MEGF8: variants seen among roughly 807,000 people sequenced by gnomAD.
The protein encoded by MEGF8 is multiple epidermal growth factor-like domains protein 8.
Under a neutral mutation model 302.9 loss-of-function variants are expected in MEGF8, and 156 were observed. The observed-to-expected ratio is 0.52, with a 90% confidence interval of 0.45 to 0.59. The LOEUF is 0.59. Ranked by LOEUF, MEGF8 falls within the 20% of genes least tolerant of loss-of-function variation. The pLI is 0.00. For synonymous variants in MEGF8, 1,621 were observed against 1,660.5 expected, an observed-to-expected ratio of 0.98 and a Z score of 0.58; for missense variants, 3,345 against 3,964.5, an observed-to-expected ratio of 0.84 and a Z score of 4.20.
In MEGF8 at chr19:42,333,597, C is replaced by A; in HGVS notation, c.188-8C>A. The stretch of plus-strand genomic sequence containing the variant: ...TTAGAGCTTGGTCCCTCTGTGCTCA[C>A]CTCCCAGCCCCAAGCCCCCAGCACC... On this transcript the variant is annotated splice_polypyrimidine_tract_variant and splice_region_variant and intron_variant, in intron 1 of 41. Coordinates refer to ENST00000251268, the MANE Select transcript of MEGF8 (RefSeq NM_001271938.2). 1 of 1,612,564 alleles carries A rather than the reference C, an allele frequency of 6.2e-7. No individual in the cohort carries two copies. The highest frequency in any genetic ancestry group is 1.1e-5 in the South Asian group (1 of 90,948).
At chr19:42,328,244 A>T (rs934122322) in intron 1 of MEGF8, among the ~76,000 whole-genome samples, 2 of 152,228 alleles carry the variant, frequency 1.3e-5, no homozygotes, top group African/African-American at 2.4e-5. Flanking sequence ...GCAGAAGCCC[A>T]GGAAGGCCTC....
Position 42,337,174 on chromosome 19 carries a change from G to C in MEGF8, c.1481G>C (p.Gly494Ala). The C allele has an allele frequency of 6.2e-7, 1 of 1,613,980 alleles. No individual in the cohort carries two copies. The highest frequency in any genetic ancestry group is 8.5e-7 in the Non-Finnish European group (1 of 1,179,888). ...CTTGGCTGCCATCAATGGGTGTCAG[G>C]AGCTGAGCTTGCCCCGCCAGGAACC... ...YHLGCHQWVS[G>A]AELAPPGTPE... Residue 494 changes from glycine (G) to alanine (A), a missense_variant, in exon 8 of 42, where the codon GGA becomes GCA. Gly to Ala is a moderately conservative substitution (Grantham distance 60). Transcript: ENST00000251268.
Position 42,363,106 on chromosome 19 carries a change from C to G in MEGF8, c.6117C>G (p.His2039Gln). 1 of 1,613,434 alleles carries G rather than the reference C, an allele frequency of 6.2e-7. No individual in the cohort carries two copies. Among genetic ancestry groups the G allele is most frequent in the Non-Finnish European group, 8.5e-7 (1 of 1,179,640 alleles). Residue 2039 changes from histidine to glutamine, a missense_variant, in exon 35 of 42, where the codon CAC becomes CAG. His to Gln is a conservative substitution (Grantham distance 24). Transcript: ENST00000251268. ...QPTYDWTCFSHSLLNVSPMPV... is the reference protein window; with the variant it reads ...QPTYDWTCFSQSLLNVSPMPV... ...CCTATGACTGGACGTGCTTCAGCCA[C>G]TCTCTGCTGAATGTGTCCCCCATGC...
chr19:42,376,535 G>T lies in MEGF8; in HGVS notation c.8298G>T (p.Gly2766=), dbSNP rs1427831510. 2 of 1,567,062 alleles carry T rather than the reference G, an allele frequency of 1.3e-6. No individual in the cohort carries two copies. The highest frequency in any genetic ancestry group is 1.4e-5 in the African/African-American group (1 of 73,642). The part of the protein sequence containing the change: ...IPATTAGLRA[G]PITLEPTEDG... Reference sequence around the variant, plus strand: ...CCACCACTGCTGGGCTGCGAGCTGGGCCCATCACTCTCGAGCCCACAGAAG... The same window carrying T: ...CCACCACTGCTGGGCTGCGAGCTGGTCCCATCACTCTCGAGCCCACAGAAG... The change falls in exon 42 of 42, where the codon GGG becomes GGT. Residue 2766 remains glycine, a synonymous_variant. Transcript: ENST00000251268. The surrounding 1 kb of genome is among the most constrained non-coding windows in gnomAD (Gnocchi z 8.2).
At chr19:42,366,184 C>G (rs1308989072) in intron 35 of MEGF8, among the ~76,000 whole-genome samples, 2 of 152,202 alleles carry the variant, frequency 1.3e-5, no homozygotes, top group Admixed American at 1.3e-4. Flanking sequence ...CTGCCTGATT[C>G]TAACCATCCC....
Position 42,368,723 on chromosome 19 carries a change from G to T in MEGF8, c.6481+61G>T. 1 of 1,542,348 alleles carries T rather than the reference G, an allele frequency of 6.5e-7. No homozygotes were observed. Reference sequence around the variant, plus strand: ...GCCCTTGGTTGGGGTCTGATACAGTGAACATAGGGATACTGGGCCAGACCC... The same window carrying T: ...GCCCTTGGTTGGGGTCTGATACAGTTAACATAGGGATACTGGGCCAGACCC... On this transcript the variant is annotated intron_variant, in intron 36 of 41. Coordinates refer to ENST00000251268, the MANE Select transcript of MEGF8 (RefSeq NM_001271938.2). This position sits in a 1 kb window ranked among gnomAD's most constrained non-coding sequence, Gnocchi z 4.9.
chr19:42,334,105 G>A lies in MEGF8; in HGVS notation c.450G>A (p.Gly150=). Residue 150 remains glycine (G), a synonymous_variant, in exon 3 of 42, where the codon GGG becomes GGA. Transcript: ENST00000251268. ...GCCCGGGTGGCTGCCAGAGCCACGG[G>A]CAGTGCCAGCCACCGGGTGTGTGTG... ...SLCPGGCQSH[G]QCQPPGVCAC... 4 of 1,613,150 alleles carry A rather than the reference G, an allele frequency of 2.5e-6. No individual in the cohort carries two copies. The highest frequency in any genetic ancestry group is 3.4e-6 in the Non-Finnish European group (4 of 1,179,822).
intron 1 of MEGF8, among the ~76,000 whole-genome samples, chr19:42,331,719 C>T (rs2039057276): frequency 6.7e-6 from 1 of 150,066 alleles, no homozygotes; most frequent in Non-Finnish European, 1.5e-5. Flanking sequence ...CAAGCATGTG[C>T]CACCATATCC....
Position 42,358,987 on chromosome 19 carries a change from C to T in MEGF8, c.5343+33C>T, listed in dbSNP as rs1015759073. 7.5e-6 allele frequency: 12 copies of T among 1,594,202 alleles called. No homozygotes were observed. The African/African-American group carries it at 1.6e-4, about 21-fold the overall frequency. On this transcript the variant is annotated intron_variant, in intron 30 of 41. Transcript: ENST00000251268. This position sits in a 1 kb window ranked among gnomAD's most constrained non-coding sequence, Gnocchi z 4.4. ...TTGAAGAGGGTTAGGATTGGGTGGG[C>T]TGGTAGGGGGGGATAGGTAGGGAAG... is the stretch of plus-strand genomic sequence containing the variant.
In MEGF8 at chr19:42,352,510, A is replaced by G; in HGVS notation, c.3350+54A>G. On this transcript the variant is annotated intron_variant, in intron 19 of 41. Transcript: ENST00000251268. The surrounding 1 kb of genome is among the most constrained non-coding windows in gnomAD (Gnocchi z 4.4). ...TGTTGCCCCAGGCTGGGGCACATGG[A>G]GGTGGAGGGAGGAAGCCATCATGGC... 1 of 1,515,798 alleles carries G rather than the reference A, an allele frequency of 6.6e-7. No homozygotes were observed. Among genetic ancestry groups the G allele is most frequent in the Non-Finnish European group, 8.9e-7 (1 of 1,124,948 alleles). The allele number at this position is 1,515,798 out of a possible 1,614,324, so 93.9% of individuals were successfully genotyped here. A position where few individuals can be genotyped will look rare whatever the true frequency, so the allele number is the denominator to read the frequency against.
intron 35 of MEGF8, among the ~76,000 whole-genome samples, chr19:42,365,740 C>G (rs1049034651): frequency 6.8e-6 from 1 of 146,460 alleles, no homozygotes; most frequent in Non-Finnish European, 1.5e-5. Flanking sequence ...GCACTGCACT[C>G]CAGCCTGGGT....
rs73033434 is a variant in MEGF8, at chr19:42,357,323, G to A, written c.4831-81G>A. 76,593 of 1,501,734 alleles carry A rather than the reference G, an allele frequency of 0.051. 2,222 individuals carry two copies. The highest frequency in any genetic ancestry group is 0.06 in the Non-Finnish European group (66,075 of 1,101,606). The allele number at this position is 1,501,734 out of a possible 1,614,324, so 93.0% of individuals were successfully genotyped here. A position where few individuals can be genotyped will look rare whatever the true frequency, so the allele number is the denominator to read the frequency against. On this transcript the variant is annotated intron_variant, in intron 27 of 41. Coordinates refer to ENST00000251268, the MANE Select transcript of MEGF8 (RefSeq NM_001271938.2). This position sits in a 1 kb window ranked among gnomAD's most constrained non-coding sequence, Gnocchi z 5.2. ...TCCTTAGTACTTCAGGGAGGACTGT[G>A]GGGGGCTGAGGCTCGCTTCTACCCA...
intron 8 of MEGF8, among the ~76,000 whole-genome samples, chr19:42,341,913 G>A (rs947024442): frequency 5.9e-5 from 9 of 152,178 alleles, no homozygotes; most frequent in Non-Finnish European, 1.0e-4. Flanking sequence ...CAAGTTGGGC[G>A]TATCACTTCG....
chr19:42,364,356 A>G (rs1046376431), intron 35 of MEGF8, among the ~76,000 whole-genome samples: 3 of 152,238 alleles, frequency 2.0e-5, no homozygotes, highest in South Asian at 2.1e-4. Flanking sequence ...TGTGGAAGCA[A>G]TGTCACTCAG....
At chr19:42,362,927 G>C in intron 34 of MEGF8, 121 bp from the exon 35 acceptor site, 1 of 866,212 alleles carries the variant, frequency 1.2e-6, no homozygotes, top group Middle Eastern at 3.5e-4. Context: ...AGGAGGGGCT[G>C]GGGCTGGATT....
Position 42,376,073 on chromosome 19 carries a change from C to A in MEGF8, c.7836C>A (p.Phe2612Leu). 1.9e-6 allele frequency: 3 copies of A among 1,605,890 alleles called. No individual in the cohort carries two copies. The highest frequency in any genetic ancestry group is 1.7e-6 in the Non-Finnish European group (2 of 1,179,340). ...HEHHALKSSR[F>L]YLLLLGVGDP... ...ACCATGCCCTCAAGTCGAGCCGCTT[C>A]TACCTGCTGCTGCTGGGCGTGGGAG... Residue 2612 changes from phenylalanine to leucine, a missense_variant, in exon 42 of 42, where the codon TTC becomes TTA. By Grantham distance (22) the Phe-to-Leu change is conservative. Transcript: ENST00000251268. This position sits in a 1 kb window ranked among gnomAD's most constrained non-coding sequence, Gnocchi z 8.2.
Position 42,348,322 on chromosome 19 carries a change from A to G in MEGF8, c.2148A>G (p.Thr716=). The G allele has an allele frequency of 6.5e-7, 1 of 1,537,556 alleles. No individual in the cohort carries two copies. The highest frequency in any genetic ancestry group is 8.7e-7 in the Non-Finnish European group (1 of 1,146,970). ...TCACCCTAACACCCAGCGCAGAGAC[A>G]GATGTGTCCCTGGTCTACCGTGGCT... is the stretch of plus-strand genomic sequence containing the variant. The part of the protein sequence containing the change: ...TTITLTPSAE[T]DVSLVYRGFI... The change falls in exon 13 of 42, where the codon ACA becomes ACG. Residue 716 remains threonine (T), a synonymous_variant. Coordinates refer to ENST00000251268, the MANE Select transcript of MEGF8 (RefSeq NM_001271938.2).
At chr19:42,372,069 C>CA (rs747348980) in intron 41 of MEGF8, among the ~76,000 whole-genome samples, 6 of 140,172 alleles carry the variant, frequency 4.3e-5, no homozygotes, top group African/African-American at 1.7e-4. Context: ...ACAACAACAA[C>CA]AACAAACACA....
At chr19:42,347,315 CTTT>C (rs1318739885) in intron 12 of MEGF8, among the ~76,000 whole-genome samples, 2 of 135,810 alleles carry the variant, frequency 1.5e-5, no homozygotes, top group Non-Finnish European at 1.6e-5. Context: ...CACTCTCATT[CTTT>C]TTTTTTTTTT....
Sources: gnomAD v4.1 joint callset for allele counts (sites outside exome capture counted in the v4.1 genomes callset) on GRCh38, gnomAD v4.1.1 for gene constraint, Gnocchi (gnomAD v3.1) non-coding constraint, MANE v1.5 for transcripts, NCBI Gene and HGNC (gene_info 2026-07-23, HGNC 2026-07-21) for gene names.